Variants in BIN2 observed in about 807,000 individuals in gnomAD.
The protein encoded by BIN2 is breast cancer associated protein BRAP1.
BIN2 carries 43 observed loss-of-function variants against 67.9 expected under a neutral mutation model. The observed-to-expected ratio is 0.63, with a 90% CI of 0.50 to 0.82. The LOEUF is 0.82. Among genes scored for constraint, BIN2 ranks in the 40% least tolerant of loss-of-function variants. BIN2 has a pLI of 0.00. For missense variants in BIN2, 581 were observed against 671.6 expected, an observed-to-expected ratio of 0.87 and a Z score of 1.49; for synonymous variants, 244 against 246.8, an observed-to-expected ratio of 0.99 and a Z score of 0.11.
rs1294062181 is a variant in BIN2 at position 51,291,948 on chromosome 12, T to C, written c.1158A>G (p.Glu386=). ...PSGQPSSSAT[E]VVLRTRTASE... is the part of the protein sequence containing the mutation. ...TTGCGGTGCGGGTTCGGAGGACTAC[T>C]TCTGTGGCAGATGATGAAGGCTGCC... The change falls in exon 10 of 13, where the codon GAA becomes GAG. Residue 386 remains glutamate (E), a synonymous_variant. Coordinates refer to ENST00000615107, the MANE Select transcript of BIN2 (RefSeq NM_016293.4). 1 of 1,614,222 alleles carries C rather than the reference T, an allele frequency of 6.2e-7. No individual in the cohort carries two copies. Among genetic ancestry groups the C allele is most frequent in the South Asian group, 1.1e-5 (1 of 91,088 alleles).
intron 4 of BIN2, chr12:51,302,363 G>C: frequency 1.9e-6 from 1 of 532,194 alleles, no homozygotes; most frequent in Non-Finnish European, 3.4e-6. Context: ...TTGGACTCCA[G>C]AGCTTAGATG....
At chr12:51,324,415 C>T (rs189114235), upstream of BIN2, 76 of 1,406,756 alleles carry the variant, frequency 5.4e-5, no homozygotes, top group Admixed American at 1.0e-4. Context: ...CACACTCACT[C>T]GCTCCGGAAA....
chr12:51,296,055 T>C (rs1177062163), intron 8 of BIN2, among the ~76,000 whole-genome samples, 177 bp from the exon 9 acceptor site: 13 of 152,144 alleles, frequency 8.5e-5, no homozygotes, highest in Admixed American at 8.5e-4. Flanking sequence ...CGCCACCCCC[T>C]CTTCCCTGTC....
chr12:51,313,729 G>T, intron 2 of BIN2, 94 bp downstream of exon 2: 2 of 1,165,608 alleles, frequency 1.7e-6, no homozygotes, highest in South Asian at 1.3e-5. Context: ...TGGTGGAGAT[G>T]TTTGCCAGTT....
At chr12:51,314,754 G>A (rs900487586) in intron 1 of BIN2, among the ~76,000 whole-genome samples, 21 of 150,620 alleles carry the variant, frequency 1.4e-4, no homozygotes, top group Admixed American at 4.6e-4. Context: ...AGGCAAGATC[G>A]CACCATTGTA....
intron 9 of BIN2, among the ~76,000 whole-genome samples, chr12:51,294,885 A>G (rs1467796578): frequency 6.6e-6 from 1 of 152,098 alleles, no homozygotes; most frequent in African/African-American, 2.4e-5. Context: ...GTACATGGCT[A>G]TTTGTTGTAT....
chr12:51,318,114 A>G (rs1946179140), intron 1 of BIN2, among the ~76,000 whole-genome samples: 1 of 152,240 alleles, frequency 6.6e-6, no homozygotes, highest in Admixed American at 6.5e-5. Context: ...TAGCTGGTTC[A>G]GCATGGCTGT....
rs79886222 is a variant in BIN2, at chr12:51,312,764, A to T, written c.162+1059T>A. Reference sequence around the variant, plus strand: ...TCTAAGATGGTAAACCAATAACAACAACAAAAAGTTCAAAAGTAAGATTCC... The same window carrying T: ...TCTAAGATGGTAAACCAATAACAACTACAAAAAGTTCAAAAGTAAGATTCC... On this transcript the variant is annotated intron_variant, in intron 2 of 12. Coordinates refer to ENST00000615107, the MANE Select transcript of BIN2 (RefSeq NM_016293.4). 8.7e-3 allele frequency among the ~76,000 whole-genome samples: 1,319 copies of T among 152,314 alleles called. 63 individuals carry two copies. In the East Asian group the frequency reaches 0.15, roughly 17 times the overall value.
chr12:51,291,546 T>C (rs773950360), intron 10 of BIN2, 45 bp downstream of exon 10: 1 of 1,515,506 alleles, frequency 6.6e-7, no homozygotes, highest in Non-Finnish European at 8.8e-7. Context: ...CTAGCTTAAA[T>C]AAATAAATTA....
intron 11 of BIN2, 66 bp downstream of exon 11, chr12:51,288,042 G>C (rs1945284176): frequency 1.7e-6 from 2 of 1,200,442 alleles, no homozygotes; most frequent in African/African-American, 1.5e-5. Context: ...TCTGGAAAAA[G>C]AAAAATAAAT....
intron 1 of BIN2, among the ~76,000 whole-genome samples, chr12:51,322,402 T>C (rs750318655): frequency 6.6e-6 from 1 of 152,144 alleles, no homozygotes. Context: ...TTTTATGTAT[T>C]TATTTTTATT....
At chr12:51,310,989 G>A (rs1341434416) in intron 2 of BIN2, among the ~76,000 whole-genome samples, 2 of 151,936 alleles carry the variant, frequency 1.3e-5, no homozygotes, top group Non-Finnish European at 2.9e-5. Flanking sequence ...AAACTTCTGA[G>A]CTCAGCACTT....
At chr12:51,292,385 C>G (rs1285730167) in intron 9 of BIN2, 41 bp from the exon 10 acceptor site, 2 of 1,509,076 alleles carry the variant, frequency 1.3e-6, no homozygotes, top group East Asian at 4.6e-5. Flanking sequence ...GGCTAAAAAC[C>G]AGAAGCAATG....
upstream of BIN2, chr12:51,324,466 C>A: frequency 6.6e-7 from 1 of 1,516,810 alleles, no homozygotes; most frequent in East Asian, 2.5e-5. Context: ...GCAACTGCCA[C>A]CGCAGGGTAG....
upstream of BIN2, chr12:51,324,541 A>T: frequency 6.5e-7 from 1 of 1,530,024 alleles, no homozygotes; most frequent in South Asian, 1.2e-5. Flanking sequence ...AGGTTCTCTG[A>T]GTATGCATGC....
intron 2 of BIN2, among the ~76,000 whole-genome samples, chr12:51,305,837 T>C (rs1396476853): frequency 1.5e-5 from 2 of 134,546 alleles, no homozygotes; most frequent in Admixed American, 7.4e-5. Context: ...TTTTTTTTTT[T>C]TTTTTTTTTT....
rs1395101232 is a variant in BIN2 at position 51,297,116 on chromosome 12, C to G, written c.651G>C (p.Arg217Ser). 2 of 1,614,078 alleles carry G rather than the reference C, an allele frequency of 1.2e-6. No individual in the cohort carries two copies. Among genetic ancestry groups the G allele is most frequent in the South Asian group, 2.2e-5 (2 of 91,080 alleles). ...VTIFQNISNL[R>S]DVFYREMSKL... Reference sequence around the variant, plus strand: ...TGCTCATTTCCCTGTAGAAGACATCCCTCAAGTTGGAAATGTTTTGGAAGA... The same window carrying G: ...TGCTCATTTCCCTGTAGAAGACATCGCTCAAGTTGGAAATGTTTTGGAAGA... The change falls in exon 8 of 13, where the codon AGG becomes AGC. Residue 217 changes from arginine to serine, a missense_variant. Coordinates refer to ENST00000615107, the MANE Select transcript of BIN2 (RefSeq NM_016293.4).
At chr12:51,282,580 C>T (rs1281287816) in intron 12 of BIN2, among the ~76,000 whole-genome samples, 1 of 152,044 alleles carries the variant, frequency 6.6e-6, no homozygotes, top group Non-Finnish European at 1.5e-5. Context: ...ATATACTATG[C>T]TTTTAAAAAT....
chr12:51,285,061 A>G (rs1432514456), intron 11 of BIN2, among the ~76,000 whole-genome samples: 1 of 152,186 alleles, frequency 6.6e-6, no homozygotes, highest in Non-Finnish European at 1.5e-5. Context: ...TTCCATGATC[A>G]AACACCATGT....
Sources: allele counts gnomAD v4.1 joint callset (sites outside exome capture counted in the v4.1 genomes callset), GRCh38; gene constraint gnomAD v4.1.1; transcripts MANE v1.5; gene names NCBI Gene and HGNC (gene_info 2026-07-23, HGNC 2026-07-21).